NABP2: variants seen among roughly 807,000 people sequenced by gnomAD.
The protein encoded by NABP2 is SOSS complex subunit B1.
A neutral mutation model predicts 22.7 loss-of-function variants in NABP2; 7 were observed. The ratio of observed to expected loss-of-function variants is 0.31; its 90% CI spans 0.18 to 0.58. The LOEUF (loss-of-function observed/expected upper bound fraction) is 0.58, where lower values mean the gene tolerates loss of function less well. Ranked by LOEUF, NABP2 falls within the 20% of genes least tolerant of loss-of-function variation. The pLI, the probability that NABP2 is intolerant of heterozygous loss-of-function variation, is 0.89. For missense variants in NABP2, 188 were observed against 265.9 expected (o/e 0.71, Z 2.04); for synonymous variants, 107 against 99.2 (o/e 1.08, Z -0.47).
rs1362205689 is a variant in NABP2 at position 56,225,655 on chromosome 12, C to G, written c.250C>G (p.Leu84Val). The change falls in exon 4 of 7, where the codon CTA becomes GTA. Residue 84 changes from leucine to valine, a missense_variant. Transcript: ENST00000267023. ...YASVFKGCLTLYTGRGGDLQK... is the reference protein window; with the variant it reads ...YASVFKGCLTVYTGRGGDLQK... ...TTCAGTTTTCAAAGGTTGTCTGACA[C>G]TATATACTGGCCGTGGGGGTGATCT... The G allele has an allele frequency of 6.2e-7, 1 of 1,614,152 alleles. No homozygotes were observed. Among genetic ancestry groups the G allele is most frequent in the Admixed American group, 1.7e-5 (1 of 60,014 alleles).
At chr12:56,227,196 C>T (rs945416728) in intron 6 of NABP2, among the ~76,000 whole-genome samples, 11 of 151,596 alleles carry the variant, frequency 7.3e-5, no homozygotes, top group African/African-American at 2.7e-4. Flanking sequence ...GCCAACGTGG[C>T]GAAACCCCAT....
rs202208466 is a variant in NABP2 at position 56,229,169 on chromosome 12, C to A, written c.592C>A (p.Pro198Thr). Residue 198 changes from proline (P) to threonine (T), a missense_variant, in exon 7 of 7, where the codon CCT becomes ACT. By Grantham distance (38) the Pro-to-Thr change is conservative (BLOSUM62 -1). Coordinates refer to ENST00000267023, the MANE Select transcript of NABP2 (RefSeq NM_024068.4). ...PAGPPGPSSNPVSNGKETRRS... is the reference protein window; with the variant it reads ...PAGPPGPSSNTVSNGKETRRS... ...AGGCCCGCCTGGCCCTTCCAGCAAC[C>A]CTGTTAGTAACGGCAAAGAAACCCG... 3 of 1,612,068 alleles carry A rather than the reference C, an allele frequency of 1.9e-6. No individual in the cohort carries two copies. In the Admixed American group the frequency reaches 5.0e-5, roughly 27 times the overall value.
rs775139902 is a variant in NABP2, at chr12:56,224,745, C to T, written c.-23-89C>T. On this transcript the variant is annotated intron_variant, in intron 1 of 6. Coordinates refer to ENST00000267023, the MANE Select transcript of NABP2 (RefSeq NM_024068.4). ...TAGAGGGGTTGAGGCTGCCTGACCCCAGCCTAATGGGGTAGGTAGGCCTTG... is the reference window on the plus strand; with the variant it reads ...TAGAGGGGTTGAGGCTGCCTGACCCTAGCCTAATGGGGTAGGTAGGCCTTG... 1.1e-4 allele frequency: 132 copies of T among 1,215,100 alleles called. 2 individuals are homozygous for T. The Middle Eastern group carries it at 4.7e-3, about 43-fold the overall frequency. The allele number at this position is 1,215,100 out of a possible 1,614,324, so 75.3% of individuals were successfully genotyped here.
chr12:56,226,627 G>A (rs185923065), intron 6 of NABP2, among the ~76,000 whole-genome samples: 8 of 137,824 alleles, frequency 5.8e-5, no homozygotes, highest in South Asian at 2.5e-4. Flanking sequence ...GTGCAATGGC[G>A]TGATCTCGGC....
chr12:56,229,132 C>T lies in NABP2; in HGVS notation c.555C>T (p.Asn185=), dbSNP rs1259078771. Residue 185 remains asparagine (N), a synonymous_variant, in exon 7 of 7, where the codon AAC becomes AAT. Transcript: ENST00000267023. ...PSTRITRSQP[N]HTPAGPPGPS... is the part of the protein sequence containing the mutation. ...CCCGAATCACTCGAAGCCAGCCCAACCACACACCTGCAGGCCCGCCTGGCC... is the reference window on the plus strand; with the variant it reads ...CCCGAATCACTCGAAGCCAGCCCAATCACACACCTGCAGGCCCGCCTGGCC... 1 of 1,596,796 alleles carries T rather than the reference C, an allele frequency of 6.3e-7. No individual in the cohort carries two copies. Among genetic ancestry groups the T allele is most frequent in the East Asian group, 2.3e-5 (1 of 44,260 alleles).
intron 2 of NABP2, 38 bp downstream of exon 2, chr12:56,224,973 T>A: frequency 5.6e-6 from 5 of 897,732 alleles, no homozygotes; most frequent in Non-Finnish European, 8.8e-6. Flanking sequence ...GGGATGGGGG[T>A]CGGGGGCAGG....
intron 2 of NABP2, among the ~76,000 whole-genome samples, 177 bp from the exon 3 acceptor site, chr12:56,225,196 C>A (rs1019857461): frequency 3.9e-5 from 6 of 152,074 alleles, no homozygotes; most frequent in Non-Finnish European, 7.4e-5. Flanking sequence ...TGAACTCCCA[C>A]CTCCACCCTC....
chr12:56,227,357 C>T (rs1490293693), intron 6 of NABP2, among the ~76,000 whole-genome samples: 3 of 144,814 alleles, frequency 2.1e-5, no homozygotes, highest in Non-Finnish European at 4.5e-5. Flanking sequence ...GCTTGCGCGA[C>T]AGTGAGACTC....
chr12:56,224,864 C>T lies in NABP2; in HGVS notation c.8C>T (p.Thr3Met), dbSNP rs760186781. 3.7e-6 allele frequency: 6 copies of T among 1,613,374 alleles called. No individual in the cohort carries two copies. The African/African-American group carries it at 6.7e-5, about 18-fold the overall frequency. The change falls in exon 2 of 7, where the codon ACG (threonine) becomes ATG (methionine). Residue 3 changes from threonine to methionine, a missense_variant. By Grantham distance (81) the Thr-to-Met change is moderately conservative. Transcript: ENST00000267023. MT[T>M]ETFVKDIKPG... ...TGCCGAGGCTCAGGCAGCATGACGA[C>T]GGAGACCTTTGTGAAGGATATCAAG...
intron 6 of NABP2, among the ~76,000 whole-genome samples, chr12:56,228,597 A>T (rs1030888018): frequency 6.6e-6 from 1 of 152,048 alleles, no homozygotes. Context: ...TATGTTGGCC[A>T]GGCTGGTCTC....
chr12:56,222,454 C>T (rs1033396040), upstream of NABP2, among the ~76,000 whole-genome samples: 4 of 152,192 alleles, frequency 2.6e-5, no homozygotes, highest in Non-Finnish European at 5.9e-5. Context: ...CTGCCTCTCT[C>T]CCAGGCGCTC....
In NABP2 at chr12:56,224,868, G is replaced by A. The variant is rs765807123; in HGVS notation, c.12G>A (p.Glu4=). 5.6e-6 allele frequency: 9 copies of A among 1,613,602 alleles called. No homozygotes were observed. The highest frequency in any genetic ancestry group is 7.6e-6 in the Non-Finnish European group (9 of 1,179,960). Reference sequence around the variant, plus strand: ...GAGGCTCAGGCAGCATGACGACGGAGACCTTTGTGAAGGATATCAAGCCTG... The same window carrying A: ...GAGGCTCAGGCAGCATGACGACGGAAACCTTTGTGAAGGATATCAAGCCTG... MTT[E]TFVKDIKPGL... The change falls in exon 2 of 7, where the codon GAG becomes GAA. Residue 4 remains glutamate (E), a synonymous_variant. Transcript: ENST00000267023.
At chr12:56,222,447 CCT>C (rs1473124599), upstream of NABP2, among the ~76,000 whole-genome samples, 2 of 152,160 alleles carry the variant, frequency 1.3e-5, no homozygotes, top group Non-Finnish European at 2.9e-5. Context: ...GGGTTGTCTG[CCT>C]CTCTCCCAGG....
At chr12:56,226,522 C>A in intron 6 of NABP2, 103 bp downstream of exon 6, 3 of 835,974 alleles carry the variant, frequency 3.6e-6, no homozygotes, top group Non-Finnish European at 6.0e-6. Flanking sequence ...TCTCTTTTCT[C>A]AGTGTATCCT....
rs1869960201 is a variant in NABP2 at position 56,229,067 on chromosome 12, G to A, written c.490G>A (p.Gly164Ser). Residue 164 changes from glycine to serine, a missense_variant, in exon 7 of 7, where the codon GGC (glycine) becomes AGC (serine). Coordinates refer to ENST00000267023, the MANE Select transcript of NABP2 (RefSeq NM_024068.4). ...GAGTGCCCCACCAGGTCCCGGTGGTGGCCCACATCCCCCTCATACTCCCTC... is the reference window on the plus strand; with the variant it reads ...GAGTGCCCCACCAGGTCCCGGTGGTAGCCCACATCCCCCTCATACTCCCTC... ...GLSAPPGPGG[G>S]PHPPHTPSHP... 6.2e-7 allele frequency: 1 copy of A among 1,612,676 alleles called. No individual in the cohort carries two copies. Among genetic ancestry groups the A allele is most frequent in the Non-Finnish European group, 8.5e-7 (1 of 1,179,476 alleles).
upstream of NABP2, among the ~76,000 whole-genome samples, chr12:56,224,145 C>T (rs189029831): frequency 1.1e-3 from 175 of 152,330 alleles, no homozygotes; most frequent in African/African-American, 4.1e-3. Context: ...CCCTGTGCGC[C>T]TTCTAGTGGT....
Position 56,229,454 on chromosome 12 carries a change from G to A in NABP2, c.*241G>A, listed in dbSNP as rs1224828451. On this transcript the variant is annotated 3_prime_UTR_variant, in exon 7 of 7. Coordinates refer to ENST00000267023, the MANE Select transcript of NABP2 (RefSeq NM_024068.4). ...TCCTCTTTAGAAATGGCAGTTACTG[G>A]CTGGGCGCAGTGGCTCACGCTTGTA... 3.8e-6 allele frequency: 2 copies of A among 531,724 alleles called. No homozygotes were observed. Among genetic ancestry groups the A allele is most frequent in the East Asian group, 3.3e-5 (1 of 29,940 alleles). The allele number at this position is 531,724 out of a possible 1,614,324, so 32.9% of individuals were successfully genotyped here.
intron 1 of NABP2, 56 bp from the exon 2 acceptor site, chr12:56,224,778 G>A: frequency 1.4e-6 from 2 of 1,479,568 alleles, no homozygotes; most frequent in East Asian, 2.3e-5. Flanking sequence ...TTGGGAAGTG[G>A]AGCATGGGGG....
rs554178013 is a variant in NABP2, at chr12:56,224,928, G to A, written c.72G>A (p.Leu24=). The A allele has an allele frequency of 6.2e-7, 1 of 1,609,108 alleles. No homozygotes were observed. The highest frequency in any genetic ancestry group is 1.1e-5 in the South Asian group (1 of 90,976). ...LKNLNLIFIV[L]ETGRVTKTKD... ...ATCTGAACCTTATCTTCATTGTGCT[G>A]GAGACAGGTGTCTATACTGGGGTGG... The change falls in exon 2 of 7, where the codon CTG becomes CTA. Residue 24 remains leucine, a synonymous_variant. Transcript: ENST00000267023.
Sources: allele counts gnomAD v4.1 joint callset (sites outside exome capture counted in the v4.1 genomes callset), GRCh38; gene constraint gnomAD v4.1.1; transcripts MANE v1.5; gene names NCBI Gene and HGNC (gene_info 2026-07-23, HGNC 2026-07-21).